ODAM: variants seen among roughly 807,000 people sequenced by gnomAD.
ODAM encodes the protein odontogenic, ameloblast associated.
ODAM carries 55 observed loss-of-function variants against 48.5 expected under a neutral mutation model. That is an observed-to-expected ratio of 1.13 (90% CI 0.91 to 1.42). The LOEUF (loss-of-function observed/expected upper bound fraction) is 1.42. Ranked by LOEUF, ODAM falls within the 40% of genes most tolerant of loss-of-function variation. The probability of loss-of-function intolerance (pLI) is 0.00; values close to 1 mark genes in which losing one functional copy is unlikely to be tolerated. For missense variants in ODAM, 353 were observed against 323.6 expected (o/e 1.09, Z -0.70); for synonymous variants, 127 against 107.8 (o/e 1.18, Z -1.10).
chr4:70,198,248 G>A, intron 5 of ODAM, 91 bp downstream of exon 5: 13 of 1,045,830 alleles, frequency 1.2e-5, no homozygotes, highest in Non-Finnish European at 1.8e-5. Flanking sequence ...AATAGGCAGG[G>A]GTTTTTGAAC....
Position 70,203,143 on chromosome 4 carries a change from CT to C in ODAM, c.811-9del. 2.5e-6 allele frequency: 4 copies of C among 1,581,038 alleles called. No individual in the cohort carries two copies. Among genetic ancestry groups the C allele is most frequent in the South Asian group, 1.1e-5 (1 of 89,574 alleles). On this transcript the variant is annotated splice_polypyrimidine_tract_variant and intron_variant, in intron 10 of 11. Transcript: ENST00000683306. ...TTAATAACAGTTTCTTATGAATGTC[CT>C]TTTCTCACTAGGACAAGACTGACAG...
chr4:70,195,923 T>G (rs1357835985), intron 1 of ODAM, 130 bp downstream of exon 1: 2 of 179,064 alleles, frequency 1.1e-5, no homozygotes, highest in Non-Finnish European at 2.2e-5. Context: ...AAGTTTCACA[T>G]CTAGAAGACA....
At chr4:70,196,193 C>G (rs890079620) in intron 1 of ODAM, among the ~76,000 whole-genome samples, 7 of 151,968 alleles carry the variant, frequency 4.6e-5, no homozygotes, top group Non-Finnish European at 1.0e-4. Flanking sequence ...CTCCCATGGT[C>G]TGATGGGCCT....
intron 4 of ODAM, 44 bp downstream of exon 4, chr4:70,197,365 T>C (rs753649983): frequency 9.9e-7 from 1 of 1,009,252 alleles, no homozygotes; most frequent in Non-Finnish European, 1.6e-6. Flanking sequence ...TATTTACCTA[T>C]TGCTCATTTA....
Position 70,198,115 on chromosome 4 carries a change from A to G in ODAM, c.333A>G (p.Leu111=), listed in dbSNP as rs780846600. The G allele has an allele frequency of 6.2e-7, 1 of 1,613,212 alleles. No homozygotes were observed. The highest frequency in any genetic ancestry group is 2.2e-5 in the East Asian group (1 of 44,818). Residue 111 remains leucine (L), a synonymous_variant, in exon 5 of 12, where the codon TTA becomes TTG. Coordinates refer to ENST00000683306, the MANE Select transcript of ODAM (RefSeq NM_017855.4). ...QGAQAGQVDP[L]QLQTPPQTQP... is the part of the protein sequence containing the mutation. ...CCCAGGCAGGCCAAGTTGATCCCTT[A>G]CAGCTTCAAACACCGCCTCAGACAC...
At position 70,198,167 on chromosome 4, in the gene ODAM, G is replaced by T. The variant is rs1265240178; in HGVS notation, c.375+10G>T. ...ACCAGGCCCCAGTCACGTAAGTCAG[G>T]CCTCTTTCATTTTGTTCTGAGGAGA... On this transcript the variant is annotated intron_variant, in intron 5 of 11. Transcript: ENST00000683306. 1 of 1,607,524 alleles carries T rather than the reference G, an allele frequency of 6.2e-7. No individual in the cohort carries two copies. The highest frequency in any genetic ancestry group is 8.5e-7 in the Non-Finnish European group (1 of 1,175,958).
intron 10 of ODAM, 63 bp downstream of exon 10, chr4:70,202,980 A>C: frequency 2.7e-6 from 4 of 1,477,074 alleles, no homozygotes; most frequent in Non-Finnish European, 3.7e-6. Context: ...ACAGTGATAA[A>C]ATTAGTGCTT....
At position 70,200,409 on chromosome 4, in the gene ODAM, T is replaced by C. The variant is rs140931202; in HGVS notation, c.424-88T>C. ...ATAAAGCTGCTAGACATAAAACAGC[T>C]TTTAAATAAAATTGACATTAGAAGA... On this transcript the variant is annotated intron_variant, in intron 6 of 11. Transcript: ENST00000683306. 7.2e-5 allele frequency: 48 copies of C among 668,818 alleles called. No individual in the cohort carries two copies. In the African/African-American group the frequency reaches 8.9e-4, roughly 12 times the overall value. The allele number at this position is 668,818 out of a possible 1,614,324, so 41.4% of individuals were successfully genotyped here.
At position 70,204,388 on chromosome 4, in the gene ODAM, C is replaced by T. The variant is rs1341512831; in HGVS notation, c.*243C>T. ...AAAATTATATGTCTCTTCAAATATC[C>T]TATCATTGTATAATATGGAATATAA... On this transcript the variant is annotated 3_prime_UTR_variant, in exon 12 of 12. Transcript: ENST00000683306. The T allele has an allele frequency of 6.6e-6, 1 of 151,944 alleles. No homozygotes were observed. The highest frequency in any genetic ancestry group is 1.5e-5 in the Non-Finnish European group (1 of 67,948). The allele number at this position is 151,944 out of a possible 1,614,324, so 9.4% of individuals were successfully genotyped here.
At chr4:70,201,169 A>T (rs997255558) in intron 7 of ODAM, among the ~76,000 whole-genome samples, 1 of 151,856 alleles carries the variant, frequency 6.6e-6, no homozygotes, top group Non-Finnish European at 1.5e-5. Flanking sequence ...CTGGCATTAC[A>T]AATTAGAGAA....
intron 4 of ODAM, 153 bp from the exon 5 acceptor site, chr4:70,197,771 G>A (rs937631772): frequency 9.4e-6 from 6 of 639,018 alleles, no homozygotes; most frequent in African/African-American, 9.2e-5. Flanking sequence ...TTATTTGCTT[G>A]GTTCAAAATG....
In ODAM at chr4:70,202,830, G is replaced by A. The variant is rs1301720201; in HGVS notation, c.723G>A (p.Met241Ile). Residue 241 changes from methionine to isoleucine, a missense_variant, in exon 10 of 12, where the codon ATG becomes ATA. Physicochemically the swap from Met to Ile is conservative, Grantham distance 10. Coordinates refer to ENST00000683306, the MANE Select transcript of ODAM (RefSeq NM_017855.4). ...GACATGACAGTGCAGGAGTTTTCAT[G>A]CCCTCAACTTCACCAAAACCCAGCA... ...NFRHDSAGVF[M>I]PSTSPKPSTT... 1.9e-6 allele frequency: 3 copies of A among 1,612,080 alleles called. No individual in the cohort carries two copies. Among genetic ancestry groups the A allele is most frequent in the Admixed American group, 3.3e-5 (2 of 59,760 alleles).
chr4:70,204,383 A>T lies in ODAM; in HGVS notation c.*238A>T, dbSNP rs1272849056. On this transcript the variant is annotated 3_prime_UTR_variant, in exon 12 of 12. Coordinates refer to ENST00000683306, the MANE Select transcript of ODAM (RefSeq NM_017855.4). ...CTTACAAAATTATATGTCTCTTCAA[A>T]TATCCTATCATTGTATAATATGGAA... 6.6e-6 allele frequency: 1 copy of T among 152,066 alleles called. No individual in the cohort carries two copies. Among genetic ancestry groups the T allele is most frequent in the African/African-American group, 2.4e-5 (1 of 41,432 alleles). 9.4% of individuals were successfully genotyped at this position (152,066 alleles called of 1,614,324 possible).
chr4:70,202,839 T>G lies in ODAM; in HGVS notation c.732T>G (p.Thr244=). ...GTGCAGGAGTTTTCATGCCCTCAAC[T>G]TCACCAAAACCCAGCACAACCAATG... is the stretch of plus-strand genomic sequence containing the variant. ...HDSAGVFMPS[T]SPKPSTTNVF... is the part of the protein sequence containing the mutation. The change falls in exon 10 of 12, where the codon ACT becomes ACG. Residue 244 remains threonine (T), a synonymous_variant. Transcript: ENST00000683306. 6.2e-7 allele frequency: 1 copy of G among 1,612,320 alleles called. No individual in the cohort carries two copies.
chr4:70,203,180 C>T lies in ODAM; in HGVS notation c.835C>T (p.Pro279Ser). The change falls in exon 11 of 12, where the codon CCA becomes TCA. Residue 279 changes from proline to serine, a missense_variant. By Grantham distance (74) the Pro-to-Ser change is moderately conservative (BLOSUM62 -1). Transcript: ENST00000683306. The stretch of plus-strand genomic sequence containing the variant: ...GGACAAGACTGACAGCCTAAGGGAA[C>T]CATAAGAAGTTGCCCTGATCATTCA... ...EKDKTDSLRE[P>S] 1.2e-6 allele frequency: 2 copies of T among 1,602,214 alleles called. No individual in the cohort carries two copies. The highest frequency in any genetic ancestry group is 1.7e-6 in the Non-Finnish European group (2 of 1,170,492).
intron 11 of ODAM, among the ~76,000 whole-genome samples, chr4:70,203,870 A>G (rs1195955548): frequency 2.0e-5 from 3 of 151,970 alleles, no homozygotes; most frequent in Non-Finnish European, 4.4e-5. Context: ...CTCTCCTTCC[A>G]TAAAAATGAG....
At chr4:70,202,712 T>C (rs891523063) in intron 9 of ODAM, 44 bp from the exon 10 acceptor site, 5 of 1,537,700 alleles carry the variant, frequency 3.3e-6, no homozygotes, top group Non-Finnish European at 3.5e-6. Flanking sequence ...TTGGCCTTCT[T>C]GTTGAACTTA....
At chr4:70,199,985 A>C in intron 6 of ODAM, 1 of 333,272 alleles carries the variant, frequency 3.0e-6, no homozygotes, top group Admixed American at 4.4e-5. Flanking sequence ...AGATGATTTC[A>C]TTTGTTACTT....
chr4:70,202,891 A>G lies in ODAM; in HGVS notation c.784A>G (p.Ile262Val), dbSNP rs780979312. Reference protein sequence around the residue: ...NVFTSAVDQTITPELPEEKDK... With the variant: ...NVFTSAVDQTVTPELPEEKDK... The stretch of plus-strand genomic sequence containing the variant: ...TTTCACTTCTGCTGTAGACCAAACT[A>G]TTACCCCAGAGCTCCCAGAAGAGAA... The change falls in exon 10 of 12, where the codon ATT becomes GTT. Residue 262 changes from isoleucine (I) to valine (V), a missense_variant. Coordinates refer to ENST00000683306, the MANE Select transcript of ODAM (RefSeq NM_017855.4). 8.7e-6 allele frequency: 14 copies of G among 1,611,772 alleles called. No individual in the cohort carries two copies. Among genetic ancestry groups the G allele is most frequent in the African/African-American group, 1.3e-5 (1 of 74,710 alleles).
Sources: gnomAD v4.1 joint callset for allele counts (sites outside exome capture counted in the v4.1 genomes callset) on GRCh38, gnomAD v4.1.1 for gene constraint, MANE v1.5 for transcripts, NCBI Gene and HGNC (gene_info 2026-07-23, HGNC 2026-07-21) for gene names.